CC2D2B: variants seen among roughly 807,000 people sequenced by gnomAD.
CC2D2B encodes coiled-coil and C2 domain containing 2B.
In CC2D2B, 128 loss-of-function variants were observed where a neutral mutation model predicts 161.2. That is an observed-to-expected ratio of 0.79 (90% CI 0.69 to 0.92). The LOEUF (loss-of-function observed/expected upper bound fraction) is 0.92, where lower values mean the gene tolerates loss of function less well. Ranked by LOEUF, CC2D2B falls within the 40% of genes least tolerant of loss-of-function variation. CC2D2B has a pLI of 0.00. For missense variants in CC2D2B, 1,173 were observed against 1,375.1 expected (o/e 0.85, Z 2.32); for synonymous variants, 391 against 449.8 (o/e 0.87, Z 1.65).
At chr10:95,981,464 A>G (rs2077528164) in intron 17 of CC2D2B, among the ~76,000 whole-genome samples, 1 of 150,660 alleles carries the variant, frequency 6.6e-6, no homozygotes, top group Non-Finnish European at 1.5e-5. Flanking sequence ...GCACATACTT[A>G]CCCAGTTAAT....
chr10:95,915,381 C>G (rs1312468427), intron 2 of CC2D2B, among the ~76,000 whole-genome samples: 1 of 151,910 alleles, frequency 6.6e-6, no homozygotes, highest in Non-Finnish European at 1.5e-5. Context: ...TCTTTCTTTC[C>G]AATTTGGATG....
chr10:96,024,041 A>T (rs2079582551), intron 32 of CC2D2B, among the ~76,000 whole-genome samples: 1 of 152,220 alleles, frequency 6.6e-6, no homozygotes, highest in Admixed American at 6.5e-5. Context: ...GAATACCCAA[A>T]GTAAAAACTG....
intron 11 of CC2D2B, among the ~76,000 whole-genome samples, chr10:95,961,330 C>T (rs886892751): frequency 6.6e-6 from 1 of 152,106 alleles, no homozygotes. Flanking sequence ...AAGTTTGAGA[C>T]CAGTGTGCCC....
intron 29 of CC2D2B, among the ~76,000 whole-genome samples, chr10:96,015,015 C>T (rs2079131190): frequency 6.6e-6 from 1 of 152,122 alleles, no homozygotes; most frequent in Non-Finnish European, 1.5e-5. Context: ...TCCCCACCTC[C>T]CTGGCCCCCA....
At chr10:95,967,269 A>G (rs1564625734) in intron 14 of CC2D2B, among the ~76,000 whole-genome samples, 1 of 152,142 alleles carries the variant, frequency 6.6e-6, no homozygotes, top group East Asian at 1.9e-4. Context: ...GGACACCCAT[A>G]TAAAAAGACT....
intron 19 of CC2D2B, among the ~76,000 whole-genome samples, chr10:95,986,684 C>T (rs541100647): frequency 3.8e-4 from 58 of 151,996 alleles, no homozygotes; most frequent in Non-Finnish European, 7.1e-4. Context: ...GCAACCTCCA[C>T]CTCCTGGGTT....
At chr10:95,945,930 G>T (rs1156777423) in intron 9 of CC2D2B, among the ~76,000 whole-genome samples, 1 of 151,806 alleles carries the variant, frequency 6.6e-6, no homozygotes, top group African/African-American at 2.4e-5. Flanking sequence ...GATTACAGGT[G>T]TGCACCACCA....
chr10:95,955,431 A>G lies in CC2D2B; in HGVS notation c.1049A>G (p.Glu350Gly), dbSNP rs574018519. 192 of 398,422 alleles carry G rather than the reference A, an allele frequency of 4.8e-4. No individual in the cohort carries two copies. In the East Asian group the frequency reaches 6.5e-3, roughly 13 times the overall value. 24.7% of individuals were successfully genotyped at this position (398,422 alleles called of 1,614,324 possible). A position where few individuals can be genotyped will look rare whatever the true frequency, so the allele number is the denominator to read the frequency against. ...ACAGATGCTACCAAATTGTCAAATG[A>G]AAATTCAGAAATTAACCAGCTGACC... ...ALTDATKLSN[E>G]NSEINQLTRK... The change falls in exon 11 of 35, where the codon GAA (glutamate) becomes GGA (glycine). Residue 350 changes from glutamate (E) to glycine (G), a missense_variant. Glu to Gly is a moderately conservative substitution (Grantham distance 98). Transcript: ENST00000646931.
chr10:96,014,024 A>C (rs957918727), intron 29 of CC2D2B, 147 bp downstream of exon 29: 2 of 360,908 alleles, frequency 5.5e-6, no homozygotes, highest in African/African-American at 4.3e-5. Context: ...TCAGTTCCAT[A>C]ACAATCTATG....
intron 34 of CC2D2B, among the ~76,000 whole-genome samples, chr10:96,027,663 A>G (rs1438917679): frequency 6.6e-6 from 1 of 152,244 alleles, no homozygotes; most frequent in African/African-American, 2.4e-5. Flanking sequence ...GTGGAACCAC[A>G]AAAGACTCAG....
chr10:96,029,273 T>C (rs1590954240), intron 34 of CC2D2B, among the ~76,000 whole-genome samples: 1 of 65,880 alleles, frequency 1.5e-5, no homozygotes, highest in Non-Finnish European at 2.9e-5. Context: ...TATATATATA[T>C]ATATATATAT....
intron 16 of CC2D2B, among the ~76,000 whole-genome samples, chr10:95,973,422 C>T (rs1204416601): frequency 6.6e-6 from 1 of 152,146 alleles, no homozygotes; most frequent in African/African-American, 2.4e-5. Flanking sequence ...AAGCCACTCC[C>T]ACAGAGAATG....
intron 2 of CC2D2B, among the ~76,000 whole-genome samples, chr10:95,917,479 G>A (rs528254264): frequency 1.3e-4 from 19 of 151,674 alleles, no homozygotes; most frequent in South Asian, 2.1e-4. Context: ...CCATCCGTCC[G>A]TCTGTCTTCT....
chr10:95,936,459 T>G lies in CC2D2B; in HGVS notation c.337-1532T>G, dbSNP rs546639521. Among the ~76,000 whole-genome samples, 9 of 152,244 alleles carry G rather than the reference T, an allele frequency of 5.9e-5. No homozygotes were observed. The South Asian group carries it at 6.2e-4, about 11-fold the overall frequency. ...GAAGGTTCTGCTTGTCACACCACAG[T>G]TAACAAGGCATGTTCCTGTGAGAAG... On this transcript the variant is annotated intron_variant, in intron 6 of 34. Transcript: ENST00000646931.
chr10:95,930,019 A>G (rs915907597), intron 6 of CC2D2B, among the ~76,000 whole-genome samples: 28 of 152,286 alleles, frequency 1.8e-4, no homozygotes, highest in Admixed American at 1.4e-3. Context: ...GATTCTTCCT[A>G]TCCATGAGCA....
intron 11 of CC2D2B, among the ~76,000 whole-genome samples, chr10:95,959,952 C>T (rs1349718035): frequency 2.0e-5 from 3 of 152,066 alleles, no homozygotes; most frequent in African/African-American, 4.8e-5. Flanking sequence ...ATACATTATA[C>T]AATTTCCAGA....
intron 9 of CC2D2B, among the ~76,000 whole-genome samples, chr10:95,947,115 T>TATATA (rs1564609188): frequency 7.0e-3 from 183 of 26,044 alleles, no homozygotes; most frequent in Admixed American, 0.014. Flanking sequence ...ATATATATAT[T>TATATA]TTTTTTTTTT....
At chr10:95,985,544 C>G (rs1367696027) in intron 19 of CC2D2B, among the ~76,000 whole-genome samples, 2 of 152,114 alleles carry the variant, frequency 1.3e-5, no homozygotes, top group Non-Finnish European at 2.9e-5. Flanking sequence ...TCTCTTAATC[C>G]TGTCATCTTC....
At chr10:95,942,879 T>C (rs1266482446) in intron 9 of CC2D2B, among the ~76,000 whole-genome samples, 1 of 152,152 alleles carries the variant, frequency 6.6e-6, no homozygotes, top group Non-Finnish European at 1.5e-5. Flanking sequence ...TTATTTTTCC[T>C]AAACTTTTAT....
Sources: allele counts gnomAD v4.1 joint callset (sites outside exome capture counted in the v4.1 genomes callset), GRCh38; gene constraint gnomAD v4.1.1; transcripts MANE v1.5; gene names NCBI Gene and HGNC (gene_info 2026-07-23, HGNC 2026-07-21).